CNTN6: variants seen among roughly 807,000 people sequenced by gnomAD.
The protein encoded by CNTN6 is contactin 6, also known as contactin-6.
CNTN6 carries 137 observed loss-of-function variants against 122.8 expected under a neutral mutation model. That is an observed-to-expected ratio of 1.12 (90% confidence interval 0.97 to 1.29). The LOEUF (loss-of-function observed/expected upper bound fraction) is 1.29, where lower values mean the gene tolerates loss of function less well. Among genes scored for constraint, CNTN6 ranks in the 50% most tolerant of loss-of-function variants. CNTN6 has a pLI of 0.00. For missense variants in CNTN6, 1,634 were observed against 1,223.4 expected, an observed-to-expected ratio of 1.34 and a Z score of -5.01; for synonymous variants, 570 against 426.0, an observed-to-expected ratio of 1.34 and a Z score of -4.16.
At chr3:1,252,257 C>T (rs1575428834) in intron 4 of CNTN6, among the ~76,000 whole-genome samples, 1 of 152,172 alleles carries the variant, frequency 6.6e-6, no homozygotes, top group East Asian at 1.9e-4. Context: ...GGAAGAACAG[C>T]CTTTTCATTG....
chr3:1,284,530 G>T (rs1458572501), intron 5 of CNTN6, among the ~76,000 whole-genome samples: 1 of 152,004 alleles, frequency 6.6e-6, no homozygotes, highest in Non-Finnish European at 1.5e-5. Flanking sequence ...TGTACACTGG[G>T]TATTCACTCA....
At chr3:1,362,643 T>A (rs918129927) in intron 12 of CNTN6, among the ~76,000 whole-genome samples, 3 of 151,938 alleles carry the variant, frequency 2.0e-5, no homozygotes, top group Admixed American at 1.3e-4. Context: ...AGACAGAAAG[T>A]ATCATAAGGA....
At chr3:1,272,835 T>C (rs1419191894) in intron 4 of CNTN6, among the ~76,000 whole-genome samples, 1 of 152,206 alleles carries the variant, frequency 6.6e-6, no homozygotes, top group Non-Finnish European at 1.5e-5. Context: ...TGAGATTCAT[T>C]CCTACACGTG....
chr3:1,336,996 T>C (rs1353599642), intron 11 of CNTN6, among the ~76,000 whole-genome samples: 1 of 152,144 alleles, frequency 6.6e-6, no homozygotes, highest in African/African-American at 2.4e-5. Flanking sequence ...TGTGACAAGA[T>C]AGAAGTGCTA....
At chr3:1,317,476 T>C (rs1700252932) in intron 7 of CNTN6, among the ~76,000 whole-genome samples, 1 of 151,816 alleles carries the variant, frequency 6.6e-6, no homozygotes, top group Non-Finnish European at 1.5e-5. Flanking sequence ...AAAAGGTTGA[T>C]GCTTGTTTGT....
intron 20 of CNTN6, among the ~76,000 whole-genome samples, chr3:1,398,977 T>G (rs1560043737): frequency 6.6e-6 from 1 of 152,160 alleles, no homozygotes; most frequent in African/African-American, 2.4e-5. Flanking sequence ...TTGCCAACAT[T>G]GCAAACTGCT....
chr3:1,184,068 G>C (rs2093596960), intron 2 of CNTN6, among the ~76,000 whole-genome samples: 1 of 152,156 alleles, frequency 6.6e-6, no homozygotes, highest in Non-Finnish European at 1.5e-5. Flanking sequence ...TGAGTAGGTA[G>C]TAGAGATACT....
intron 2 of CNTN6, 82 bp from the exon 3 acceptor site, chr3:1,220,605 T>C: frequency 8.8e-7 from 1 of 1,140,490 alleles, no homozygotes; most frequent in Non-Finnish European, 1.2e-6. Context: ...TAAATATGTA[T>C]ATTGAATTGA....
chr3:1,315,477 A>G (rs1559798811), intron 7 of CNTN6, among the ~76,000 whole-genome samples: 1 of 151,994 alleles, frequency 6.6e-6, no homozygotes, highest in East Asian at 1.9e-4. Context: ...TTACCCATCT[A>G]AAGGTGAGTA....
intron 2 of CNTN6, among the ~76,000 whole-genome samples, chr3:1,211,785 G>A (rs1180223665): frequency 6.6e-6 from 1 of 152,116 alleles, no homozygotes; most frequent in African/African-American, 2.4e-5. Flanking sequence ...GCAACCAGCA[G>A]AGACTAGCAT....
At chr3:1,212,060 T>A (rs1423231145) in intron 2 of CNTN6, among the ~76,000 whole-genome samples, 1 of 152,156 alleles carries the variant, frequency 6.6e-6, no homozygotes, top group African/African-American at 2.4e-5. Context: ...GTAGGTTAGA[T>A]GTAATATTGC....
intron 1 of CNTN6, among the ~76,000 whole-genome samples, chr3:1,147,533 T>C (rs2092748511): frequency 6.6e-6 from 1 of 152,116 alleles, no homozygotes; most frequent in Non-Finnish European, 1.5e-5. Context: ...TTTATCTTGA[T>C]TTCATTTATC....
intron 4 of CNTN6, among the ~76,000 whole-genome samples, chr3:1,263,329 G>C (rs761987698): frequency 6.6e-6 from 1 of 152,118 alleles, no homozygotes; most frequent in African/African-American, 2.4e-5. Flanking sequence ...AAATAAGCAA[G>C]CTTTCCATCT....
At chr3:1,201,284 T>G (rs914985812) in intron 2 of CNTN6, among the ~76,000 whole-genome samples, 2 of 152,138 alleles carry the variant, frequency 1.3e-5, no homozygotes, top group Admixed American at 1.3e-4. Flanking sequence ...CTATTCTCTT[T>G]CTAAAAGAAT....
chr3:1,297,482 T>G (rs905476824), intron 6 of CNTN6, among the ~76,000 whole-genome samples: 1 of 152,136 alleles, frequency 6.6e-6, no homozygotes, highest in African/African-American at 2.4e-5. Flanking sequence ...CGGCAAAACC[T>G]TATTGTACTA....
intron 4 of CNTN6, among the ~76,000 whole-genome samples, chr3:1,267,336 C>T (rs2094942524): frequency 6.6e-6 from 1 of 151,846 alleles, no homozygotes; most frequent in African/African-American, 2.4e-5. Context: ...AATAAAAGGC[C>T]TCCTTTTATT....
intron 2 of CNTN6, among the ~76,000 whole-genome samples, chr3:1,183,273 G>T (rs1229487380): frequency 6.6e-6 from 1 of 152,070 alleles, no homozygotes. Context: ...AGCTATCATG[G>T]TTCAAACTCT....
chr3:1,397,726 C>A (rs1266903047), intron 20 of CNTN6, among the ~76,000 whole-genome samples: 3 of 152,152 alleles, frequency 2.0e-5, no homozygotes, highest in Admixed American at 6.5e-5. Context: ...TGGCCCTTGA[C>A]GTTGACTGAC....
chr3:1,389,691 A>G (rs1259214612), intron 20 of CNTN6, among the ~76,000 whole-genome samples: 1 of 151,906 alleles, frequency 6.6e-6, no homozygotes. Context: ...AGAGACACAC[A>G]TAGGCTCAAA....
Sources: allele counts gnomAD v4.1 joint callset (sites outside exome capture counted in the v4.1 genomes callset), GRCh38; gene constraint gnomAD v4.1.1; transcripts MANE v1.5; gene names NCBI Gene and HGNC (gene_info 2026-07-23, HGNC 2026-07-21).